DYNC1LI2: variants seen among roughly 807,000 people sequenced by gnomAD.
DYNC1LI2 encodes cytoplasmic dynein 1 light intermediate chain 2.
Under a neutral mutation model 57.8 loss-of-function variants are expected in DYNC1LI2, and 19 were observed. The ratio of observed to expected loss-of-function variants is 0.33; its 90% CI spans 0.23 to 0.48. The LOEUF is 0.48. Among genes scored for constraint, DYNC1LI2 ranks in the 20% least tolerant of loss-of-function variants. DYNC1LI2 has a pLI of 0.99. For missense variants in DYNC1LI2, 470 were observed against 604.2 expected, an observed-to-expected ratio of 0.78 and a Z score of 2.33; for synonymous variants, 256 against 233.4, an observed-to-expected ratio of 1.10 and a Z score of -0.88.
intron 5 of DYNC1LI2, 119 bp from the exon 6 acceptor site, chr16:66,734,430 C>A: frequency 1.1e-6 from 1 of 922,920 alleles, no homozygotes; most frequent in Non-Finnish European, 1.6e-6. Context: ...GCTCAGGGTC[C>A]AAGCATTAAT....
At chr16:66,734,744 C>A (rs914777018) in intron 5 of DYNC1LI2, among the ~76,000 whole-genome samples, 3 of 151,870 alleles carry the variant, frequency 2.0e-5, no homozygotes, top group Non-Finnish European at 4.4e-5. Context: ...CACTTGTAAT[C>A]CCAACACTCT....
Position 66,751,047 on chromosome 16 carries a change from T to A in DYNC1LI2, c.181+226A>T, listed in dbSNP as rs375800414. Among the ~76,000 whole-genome samples the A allele has an allele frequency of 8.5e-5, 13 of 152,152 alleles. No homozygotes were observed. Among genetic ancestry groups the A allele is most frequent in the Middle Eastern group, 3.4e-3 (1 of 294 alleles). On this transcript the variant is annotated intron_variant, in intron 2 of 12. Coordinates refer to ENST00000258198, the MANE Select transcript of DYNC1LI2 (RefSeq NM_006141.3). The surrounding 1 kb of genome is among the most constrained non-coding windows in gnomAD (Gnocchi z 5.2). Reference sequence around the variant, plus strand: ...ATAGAGGGCCAAGTGACTGAAACAATATGCCGACAACCCCAAAGCACCACT... The same window carrying A: ...ATAGAGGGCCAAGTGACTGAAACAAAATGCCGACAACCCCAAAGCACCACT...
chr16:66,732,633 C>A, intron 6 of DYNC1LI2, 159 bp from the exon 7 acceptor site: 1 of 592,386 alleles, frequency 1.7e-6, no homozygotes, highest in Non-Finnish European at 2.7e-6. Context: ...TATAGTATTA[C>A]ATAGGCATAC....
intron 11 of DYNC1LI2, 100 bp downstream of exon 11, chr16:66,727,588 A>G (rs1596985952): frequency 9.1e-7 from 1 of 1,098,594 alleles, no homozygotes. Context: ...CCTGGCTTCC[A>G]TGAGTCTCCA....
intron 4 of DYNC1LI2, chr16:66,739,051 T>C (rs1408325425): frequency 6.6e-6 from 1 of 152,226 alleles, no homozygotes; most frequent in African/African-American, 2.4e-5. Context: ...GAATCAAATA[T>C]TCTCACATTT....
chr16:66,729,413 A>G (rs976407113), intron 8 of DYNC1LI2, among the ~76,000 whole-genome samples: 2 of 151,918 alleles, frequency 1.3e-5, no homozygotes, highest in African/African-American at 4.8e-5. Context: ...GGGAAACACC[A>G]CCAACTCCAG....
At chr16:66,737,507 AAAAT>A (rs1405018738) in intron 4 of DYNC1LI2, among the ~76,000 whole-genome samples, 2 of 151,608 alleles carry the variant, frequency 1.3e-5, no homozygotes, top group Non-Finnish European at 2.9e-5. Context: ...AAAAAAAAAA[AAAAT>A]GCTTAATGAA....
At chr16:66,728,169 C>T in intron 10 of DYNC1LI2, 32 bp downstream of exon 10, 1 of 1,613,832 alleles carries the variant, frequency 6.2e-7, no homozygotes, top group Non-Finnish European at 8.5e-7. Flanking sequence ...CAACACTGGG[C>T]CTTGACCCTC....
rs750598384 is a variant in DYNC1LI2, at chr16:66,734,204, C to T, written c.793+14G>A. 13 of 1,613,148 alleles carry T rather than the reference C, an allele frequency of 8.1e-6. No homozygotes were observed. The highest frequency in any genetic ancestry group is 6.6e-5 in the South Asian group (6 of 90,982). On this transcript the variant is annotated intron_variant, in intron 6 of 12. Coordinates refer to ENST00000258198, the MANE Select transcript of DYNC1LI2 (RefSeq NM_006141.3). The stretch of plus-strand genomic sequence containing the variant: ...AGCCTGTGACCCAGGCCCCACACAG[C>T]GCCCAAAGGATACACTGAAGGCAGA...
Position 66,749,248 on chromosome 16 carries a change from C to T in DYNC1LI2, c.247G>A (p.Gly83Arg). Reference protein sequence around the residue: ...KLQGAEHGKKGRGLEYLYLSV... With the variant: ...KLQGAEHGKKRRGLEYLYLSV... Reference sequence around the variant, plus strand: ...AGGTAGAGATATTCTAGGCCTCTTCCTTTTTTGCCATGCTCAGCTCCTTGT... The same window carrying T: ...AGGTAGAGATATTCTAGGCCTCTTCTTTTTTTGCCATGCTCAGCTCCTTGT... Residue 83 changes from glycine (G) to arginine (R), a missense_variant, in exon 3 of 13, where the codon GGA becomes AGA. Coordinates refer to ENST00000258198, the MANE Select transcript of DYNC1LI2 (RefSeq NM_006141.3). 2 of 1,614,180 alleles carry T rather than the reference C, an allele frequency of 1.2e-6. No homozygotes were observed. Among genetic ancestry groups the T allele is most frequent in the Non-Finnish European group, 1.7e-6 (2 of 1,180,042 alleles).
intron 3 of DYNC1LI2, among the ~76,000 whole-genome samples, chr16:66,743,606 A>G (rs1202211704): frequency 1.3e-5 from 2 of 151,822 alleles, no homozygotes; most frequent in Non-Finnish European, 2.9e-5. Flanking sequence ...TTAGCTTTCA[A>G]TAAAAACCAA....
intron 3 of DYNC1LI2, among the ~76,000 whole-genome samples, chr16:66,745,591 T>C (rs1307670077): frequency 6.6e-6 from 1 of 151,396 alleles, no homozygotes; most frequent in African/African-American, 2.4e-5. Flanking sequence ...TAGCTTCTTT[T>C]TCAATAAATT....
intron 4 of DYNC1LI2, chr16:66,739,168 C>T (rs1274578670): frequency 6.6e-6 from 1 of 152,182 alleles, no homozygotes; most frequent in Non-Finnish European, 1.5e-5. Context: ...TCAACTAGGG[C>T]TTCCCAGACA....
intron 4 of DYNC1LI2, among the ~76,000 whole-genome samples, chr16:66,740,211 C>T (rs1324706162): frequency 6.6e-6 from 1 of 152,148 alleles, no homozygotes; most frequent in East Asian, 1.9e-4. Context: ...GACACAAAAC[C>T]ACTGGGAACC....
intron 4 of DYNC1LI2, 99 bp downstream of exon 4, chr16:66,742,339 G>GAAGC (rs1485752631): frequency 1.6e-6 from 2 of 1,242,880 alleles, no homozygotes; most frequent in Non-Finnish European, 2.2e-6. Context: ...ACAAAACCAC[G>GAAGC]AAGCAAGGGA....
chr16:66,731,344 G>A (rs2017633334), intron 7 of DYNC1LI2: 1 of 152,226 alleles, frequency 6.6e-6, no homozygotes, highest in South Asian at 2.1e-4. Context: ...CAAGCCTGTA[G>A]GTATGCCATC....
chr16:66,723,318 T>G lies in DYNC1LI2; in HGVS notation c.*404A>C, dbSNP rs1324152334. 2 of 458,232 alleles carry G rather than the reference T, an allele frequency of 4.4e-6. No individual in the cohort carries two copies. Among genetic ancestry groups the G allele is most frequent in the African/African-American group, 4.0e-5 (2 of 50,158 alleles). 28.4% of individuals were successfully genotyped at this position (458,232 alleles called of 1,614,324 possible). ...TTCCTGGACTTTCTGCTACTTAATC[T>G]GCTTCCCAAGAACAAGTGAATTTAC... On this transcript the variant is annotated 3_prime_UTR_variant, in exon 13 of 13. Transcript: ENST00000258198.
chr16:66,744,343 C>T (rs2017898169), intron 3 of DYNC1LI2, among the ~76,000 whole-genome samples: 2 of 152,110 alleles, frequency 1.3e-5, no homozygotes, highest in Non-Finnish European at 2.9e-5. Flanking sequence ...TGAGCCAGTG[C>T]GCCCAGCCAG....
Position 66,732,233 on chromosome 16 carries a change from C to T in DYNC1LI2, c.929+106G>A, listed in dbSNP as rs895621879. 2.0e-5 allele frequency: 27 copies of T among 1,370,828 alleles called. No individual in the cohort carries two copies. In the Admixed American group the frequency reaches 6.4e-4, roughly 32 times the overall value. The allele number at this position is 1,370,828 out of a possible 1,614,324, so 84.9% of individuals were successfully genotyped here. On this transcript the variant is annotated intron_variant, in intron 7 of 12. Coordinates refer to ENST00000258198, the MANE Select transcript of DYNC1LI2 (RefSeq NM_006141.3). ...AGAGAAGGTGCAGTGAGAGAGCTGG[C>T]TGTAGAAGACACAGACAGAAGGCAC...
Sources: gnomAD v4.1 joint callset for allele counts (sites outside exome capture counted in the v4.1 genomes callset) on GRCh38, gnomAD v4.1.1 for gene constraint, Gnocchi (gnomAD v3.1) non-coding constraint, MANE v1.5 for transcripts, NCBI Gene and HGNC (gene_info 2026-07-23, HGNC 2026-07-21) for gene names.